Variants in DPP6 observed in about 807,000 individuals in gnomAD.
DPP6 encodes the protein A-type potassium channel modulatory protein DPP6.
A neutral mutation model predicts 122.6 loss-of-function variants in DPP6; 69 were observed. The observed-to-expected ratio is 0.56, with a 90% CI of 0.46 to 0.69. The LOEUF is 0.69. Among genes scored for constraint, DPP6 ranks in the 30% least tolerant of loss-of-function variants. DPP6 has a pLI of 0.00. For synonymous variants in DPP6, 418 were observed against 433.1 expected, an observed-to-expected ratio of 0.97 and a Z score of 0.43; for missense variants, 928 against 1,116.9, an observed-to-expected ratio of 0.83 and a Z score of 2.41.
intron 1 of DPP6, among the ~76,000 whole-genome samples, chr7:153,927,262 G>A (rs1024319981): frequency 6.6e-6 from 1 of 152,172 alleles, no homozygotes; most frequent in East Asian, 1.9e-4. Flanking sequence ...GCAGTGAGCT[G>A]TGGTCGTGCC....
intron 1 of DPP6, among the ~76,000 whole-genome samples, chr7:154,349,561 C>T (rs771791176): frequency 5.9e-5 from 9 of 152,144 alleles, no homozygotes; most frequent in Admixed American, 1.3e-4. Flanking sequence ...TCCTTTAATA[C>T]GGCTGGGTAT....
At chr7:153,770,415 A>C in the DPP6 span, among the ~76,000 whole-genome samples, 6 of 152,120 alleles carry the variant, frequency 3.9e-5, no homozygotes, top group African/African-American at 1.2e-4. Context: ...TCCTAAACCC[A>C]AGGTACTGAT....
intron 3 of DPP6, among the ~76,000 whole-genome samples, chr7:154,537,673 A>G (rs1194231758): frequency 1.3e-5 from 2 of 151,686 alleles, no homozygotes; most frequent in African/African-American, 4.8e-5. Flanking sequence ...CTGGGCAACA[A>G]GAGTGAAACT....
At chr7:154,489,628 C>G (rs1343509859) in intron 3 of DPP6, among the ~76,000 whole-genome samples, 1 of 152,130 alleles carries the variant, frequency 6.6e-6, no homozygotes, top group Non-Finnish European at 1.5e-5. Context: ...TGGAACCCAG[C>G]CTAGACCGTC....
chr7:154,873,828 AC>A (rs1563308863), intron 19 of DPP6, among the ~76,000 whole-genome samples: 7 of 117,296 alleles, frequency 6.0e-5, no homozygotes, highest in Non-Finnish European at 9.7e-5. Context: ...ACACACGCAT[AC>A]ATAAACACAC....
intron 8 of DPP6, among the ~76,000 whole-genome samples, chr7:154,730,231 C>A (rs571145529): frequency 6.6e-6 from 1 of 152,156 alleles, no homozygotes; most frequent in Non-Finnish European, 1.5e-5. Flanking sequence ...GTGAGATCAG[C>A]TCAATATCTG....
intron 1 of DPP6, among the ~76,000 whole-genome samples, chr7:154,339,358 A>C (rs1809715710): frequency 6.6e-6 from 1 of 152,148 alleles, no homozygotes; most frequent in Non-Finnish European, 1.5e-5. Context: ...GCCAGTGGGA[A>C]CGCGGAGTGG....
chr7:153,964,051 AGTG>A (rs1373602999), intron 1 of DPP6, among the ~76,000 whole-genome samples: 2 of 152,114 alleles, frequency 1.3e-5, no homozygotes, highest in Non-Finnish European at 2.9e-5. Flanking sequence ...CCTGGATTGC[AGTG>A]GTGCGATCTC....
intron 7 of DPP6, among the ~76,000 whole-genome samples, chr7:154,721,347 G>T (rs1034494836): frequency 2.0e-5 from 3 of 152,160 alleles, no homozygotes; most frequent in African/African-American, 4.8e-5. Context: ...CCCACCAGCT[G>T]CTGGGCAAGT....
At chr7:154,387,075 C>T (rs751391774) in intron 1 of DPP6, among the ~76,000 whole-genome samples, 15 of 151,934 alleles carry the variant, frequency 9.9e-5, no homozygotes, top group African/African-American at 2.7e-4. Context: ...AGGCAAGGGG[C>T]GAAAGAGTGT....
chr7:154,777,672 G>A (rs1667237083), intron 10 of DPP6, among the ~76,000 whole-genome samples: 1 of 152,116 alleles, frequency 6.6e-6, no homozygotes, highest in Non-Finnish European at 1.5e-5. Flanking sequence ...AAGACATGTT[G>A]CCCTGTGCTG....
Position 154,235,487 on chromosome 7 carries a change from C to CT in DPP6, c.243+182430dup, listed in dbSNP as rs1801153564. Among the ~76,000 whole-genome samples, 2 of 130,768 alleles carry CT rather than the reference C, an allele frequency of 1.5e-5. 1 individual carries two copies. The highest frequency in any genetic ancestry group is 6.3e-5 in the African/African-American group (2 of 31,626). The allele number at this position is 130,768 out of a possible 152,430, so 85.8% of individuals were successfully genotyped here. On this transcript the variant is annotated intron_variant, in intron 1 of 25. Coordinates refer to ENST00000377770, the MANE Select transcript of DPP6 (RefSeq NM_130797.4). Reference sequence around the variant, plus strand: ...CAAAAGCTAGAGAATTCCTTTTTTTCTTTTTTCCTCTTACTATACAAACCA... The same window carrying CT: ...CAAAAGCTAGAGAATTCCTTTTTTTCTTTTTTTCCTCTTACTATACAAACCA...
intron 17 of DPP6, among the ~76,000 whole-genome samples, chr7:154,862,370 G>A (rs1347757154): frequency 1.3e-5 from 2 of 152,252 alleles, no homozygotes; most frequent in African/African-American, 4.8e-5. Context: ...GTCTGCACTC[G>A]AAATCTTCTG....
chr7:154,372,244 A>T (rs545555837), intron 1 of DPP6, among the ~76,000 whole-genome samples: 1 of 152,318 alleles, frequency 6.6e-6, no homozygotes, highest in African/African-American at 2.4e-5. Flanking sequence ...ATGGCTATGC[A>T]TGAAGCGTAA....
chr7:154,154,863 C>T (rs1279763482), intron 1 of DPP6, among the ~76,000 whole-genome samples: 1 of 152,168 alleles, frequency 6.6e-6, no homozygotes, highest in Admixed American at 6.5e-5. Flanking sequence ...TGGTAAGAGC[C>T]CGTGTGGCTC....
At chr7:154,226,639 ATTT>A (rs1193678400) in intron 1 of DPP6, among the ~76,000 whole-genome samples, 1 of 152,148 alleles carries the variant, frequency 6.6e-6, no homozygotes. Context: ...CCTATTACCA[ATTT>A]TTTCAGGATC....
chr7:154,088,665 T>C (rs6953447), intron 1 of DPP6, among the ~76,000 whole-genome samples: 51,393 of 146,008 alleles, frequency 0.35, 10,316 homozygotes, highest in East Asian at 0.49. Flanking sequence ...CTGGGGGATG[T>C]GGCCCCTGGG....
chr7:154,758,923 C>T (rs1289288284), intron 8 of DPP6, among the ~76,000 whole-genome samples: 4 of 152,180 alleles, frequency 2.6e-5, no homozygotes, highest in African/African-American at 7.2e-5. Context: ...CGTGAGAGCA[C>T]GCAGCCTCTA....
At chr7:153,801,002 C>A in the DPP6 span, among the ~76,000 whole-genome samples, 2,051 of 151,952 alleles carry the variant, frequency 0.013, 55 homozygotes, top group African/African-American at 0.046. Flanking sequence ...AATTACATAT[C>A]AATTTTTTAA....
Sources: gnomAD v4.1 joint callset for allele counts (sites outside exome capture counted in the v4.1 genomes callset) on GRCh38, gnomAD v4.1.1 for gene constraint, MANE v1.5 for transcripts, NCBI Gene and HGNC (gene_info 2026-07-23, HGNC 2026-07-21) for gene names.